Variants in GRID1 observed in about 807,000 individuals in gnomAD.
GRID1 encodes glutamate receptor ionotropic, delta-1.
Under a neutral mutation model 98.0 loss-of-function variants are expected in GRID1, and 28 were observed. The ratio of observed to expected loss-of-function variants is 0.29; its 90% CI spans 0.21 to 0.39. The LOEUF (loss-of-function observed/expected upper bound fraction) is 0.39. Among genes scored for constraint, GRID1 ranks in the 10% least tolerant of loss-of-function variants. GRID1 has a pLI of 1.00. For missense variants in GRID1, 1,111 were observed against 1,340.5 expected (o/e 0.83, Z 2.67); for synonymous variants, 553 against 538.5 (o/e 1.03, Z -0.37).
At chr10:85,868,296 A>C (rs1843241955) in intron 6 of GRID1, among the ~76,000 whole-genome samples, 1 of 152,178 alleles carries the variant, frequency 6.6e-6, no homozygotes, top group African/African-American at 2.4e-5. Flanking sequence ...TGAGGCTGCC[A>C]GTGGGTACTC....
chr10:85,755,602 C>T (rs1390341340), intron 8 of GRID1, among the ~76,000 whole-genome samples: 1 of 152,162 alleles, frequency 6.6e-6, no homozygotes, highest in Non-Finnish European at 1.5e-5. Context: ...CCAAGGAGGG[C>T]GCTCATGCTC....
rs531937642 is a variant in GRID1, at chr10:86,199,666, T to C, written c.520+6698A>G. Among the ~76,000 whole-genome samples the C allele has an allele frequency of 5.3e-5, 8 of 152,266 alleles. No individual in the cohort carries two copies. The East Asian group carries it at 1.3e-3, about 26-fold the overall frequency. On this transcript the variant is annotated intron_variant, in intron 3 of 15. Transcript: ENST00000327946. ...AGGGCACCCAGCATGAAGCAAGGGCTAGAGGGACTTGGAGCTGTTACCCGC... is the reference window on the plus strand; with the variant it reads ...AGGGCACCCAGCATGAAGCAAGGGCCAGAGGGACTTGGAGCTGTTACCCGC...
intron 4 of GRID1, among the ~76,000 whole-genome samples, chr10:85,987,133 TG>T (rs66461469): frequency 0.33 from 50,297 of 151,822 alleles, 9,134 homozygotes; most frequent in South Asian, 0.5. Context: ...GGCTCAGAGT[TG>T]CCCCAGCTTG....
intron 2 of GRID1, among the ~76,000 whole-genome samples, chr10:86,312,370 A>G (rs1341411280): frequency 6.6e-6 from 1 of 152,172 alleles, no homozygotes; most frequent in African/African-American, 2.4e-5. Flanking sequence ...TGACAAGAGC[A>G]CTCACCCATC....
At chr10:85,823,579 T>A (rs1393320676) in intron 8 of GRID1, among the ~76,000 whole-genome samples, 2 of 151,904 alleles carry the variant, frequency 1.3e-5, no homozygotes, top group Admixed American at 1.3e-4. Context: ...CAATATAAGA[T>A]TAAATACAAA....
At chr10:85,979,972 T>A (rs1235155457) in intron 4 of GRID1, among the ~76,000 whole-genome samples, 1 of 152,236 alleles carries the variant, frequency 6.6e-6, no homozygotes, top group Non-Finnish European at 1.5e-5. Context: ...AATGAACTTT[T>A]CAACCAAAAC....
At chr10:86,178,489 C>G (rs1435674992) in intron 3 of GRID1, among the ~76,000 whole-genome samples, 1 of 152,070 alleles carries the variant, frequency 6.6e-6, no homozygotes, top group African/African-American at 2.4e-5. Context: ...ACATTCAGGC[C>G]CAGGTTCAAG....
intron 2 of GRID1, among the ~76,000 whole-genome samples, chr10:86,305,268 CT>C (rs1847743809): frequency 6.6e-6 from 1 of 152,190 alleles, no homozygotes; most frequent in Non-Finnish European, 1.5e-5. Context: ...AATTCCATCT[CT>C]TGGGGGAAGC....
At chr10:86,302,757 A>G (rs971246569) in intron 2 of GRID1, among the ~76,000 whole-genome samples, 2 of 152,204 alleles carry the variant, frequency 1.3e-5, no homozygotes, top group Non-Finnish European at 2.9e-5. Flanking sequence ...ATACAAGTCA[A>G]TGTCATAGGA....
chr10:85,999,196 A>T (rs1842775600), intron 4 of GRID1, among the ~76,000 whole-genome samples: 1 of 146,810 alleles, frequency 6.8e-6, no homozygotes, highest in Admixed American at 7.0e-5. Context: ...TGGCCAACAG[A>T]GCAAGACTCT....
chr10:86,293,755 G>GCATTCATT (rs144132084), intron 2 of GRID1, among the ~76,000 whole-genome samples: 13 of 151,916 alleles, frequency 8.6e-5, no homozygotes, highest in Non-Finnish European at 1.2e-4. Flanking sequence ...GGGGTGGAAT[G>GCATTCATT]CATTCATTCA....
intron 12 of GRID1, among the ~76,000 whole-genome samples, chr10:85,690,988 A>G (rs945644414): frequency 6.6e-6 from 1 of 152,190 alleles, no homozygotes; most frequent in African/African-American, 2.4e-5. Context: ...TTTATTGAGG[A>G]CCAAGTGAAT....
At chr10:85,778,654 C>A (rs1423485130) in intron 8 of GRID1, among the ~76,000 whole-genome samples, 1 of 152,186 alleles carries the variant, frequency 6.6e-6, no homozygotes, top group East Asian at 1.9e-4. Context: ...TTACACTCAA[C>A]AGAAAACCAA....
intron 4 of GRID1, among the ~76,000 whole-genome samples, chr10:86,086,486 A>G (rs1844058485): frequency 6.6e-6 from 1 of 152,192 alleles, no homozygotes; most frequent in Non-Finnish European, 1.5e-5. Flanking sequence ...GAGCCCAGGG[A>G]GACTGAGTGC....
In GRID1 at chr10:86,256,850, C is replaced by T. The variant is rs143983740; in HGVS notation, c.236-50202G>A. Among the ~76,000 whole-genome samples the T allele has an allele frequency of 1.4e-4, 21 of 152,330 alleles. No individual in the cohort carries two copies. The East Asian group carries it at 3.3e-3, about 24-fold the overall frequency. ...CTACCTGGCTTCAGCCACCGGGAAG[C>T]ATCAGCAGATCAGAGGGCTGAGCTG... On this transcript the variant is annotated intron_variant, in intron 2 of 15. Transcript: ENST00000327946.
intron 3 of GRID1, among the ~76,000 whole-genome samples, chr10:86,167,328 G>T (rs904129158): frequency 1.3e-5 from 2 of 152,206 alleles, no homozygotes; most frequent in Non-Finnish European, 2.9e-5. Flanking sequence ...AGGCCTGAGT[G>T]CAGGCCCCAC....
chr10:85,865,514 T>A (rs1589279654), intron 6 of GRID1, among the ~76,000 whole-genome samples: 1 of 152,108 alleles, frequency 6.6e-6, no homozygotes, highest in South Asian at 2.1e-4. Flanking sequence ...AGAGCAGCCA[T>A]TTGGTGGGGG....
At chr10:85,622,357 C>A (rs1239723217) in intron 13 of GRID1, among the ~76,000 whole-genome samples, 1 of 152,176 alleles carries the variant, frequency 6.6e-6, no homozygotes, top group Non-Finnish European at 1.5e-5. Flanking sequence ...TCCATCTCCC[C>A]ATTTGCCTAT....
intron 4 of GRID1, among the ~76,000 whole-genome samples, chr10:86,049,025 T>C (rs1843463724): frequency 6.6e-6 from 1 of 152,252 alleles, no homozygotes; most frequent in Non-Finnish European, 1.5e-5. Context: ...TCTTGCTTTC[T>C]GTCATTCCAT....
Sources: gnomAD v4.1 joint callset for allele counts (sites outside exome capture counted in the v4.1 genomes callset) on GRCh38, gnomAD v4.1.1 for gene constraint, MANE v1.5 for transcripts, NCBI Gene and HGNC (gene_info 2026-07-23, HGNC 2026-07-21) for gene names.